Variants in MYCBP2 observed in about 807,000 individuals in gnomAD.
MYCBP2 encodes the protein E3 ubiquitin-protein ligase MYCBP2.
In MYCBP2, 120 loss-of-function variants were observed where a neutral mutation model predicts 525.3. The ratio of observed to expected loss-of-function variants is 0.23; its 90% CI spans 0.20 to 0.27. The LOEUF is 0.27. Among genes scored for constraint, MYCBP2 ranks in the 10% least tolerant of loss-of-function variants. The probability of loss-of-function intolerance (pLI) is 1.00; values close to 1 mark genes in which losing one functional copy is unlikely to be tolerated. For missense variants in MYCBP2, 4,149 were observed against 5,657.1 expected (o/e 0.73, Z 8.55); for synonymous variants, 1,894 against 1,955.8 (o/e 0.97, Z 0.83).
rs1277042858 is a variant in MYCBP2 at position 77,180,299 on chromosome 13, C to G, written c.4961G>C (p.Gly1654Ala). The change falls in exon 34 of 83, where the codon GGG becomes GCG. Residue 1654 changes from glycine (G) to alanine (A), a missense_variant. By Grantham distance (60) the Gly-to-Ala change is moderately conservative. This residue lies in a region of MYCBP2 where 292 missense variants were observed against 330.5 expected (regional missense o/e 0.88). Coordinates refer to ENST00000544440, the MANE Select transcript of MYCBP2 (RefSeq NM_015057.5). ...KLSQSEENIS[G>A]MTSFREVLEK... ...CAGAACTTCACGGAAGCTTGTCATC[C>G]CTGAGATATTCTCTTCACTCTGCGA... 1 of 1,613,924 alleles carries G rather than the reference C, an allele frequency of 6.2e-7. No individual in the cohort carries two copies. The highest frequency in any genetic ancestry group is 8.5e-7 in the Non-Finnish European group (1 of 1,179,954).
At chr13:77,194,338 T>C in intron 26 of MYCBP2, 94 bp from the exon 27 acceptor site, 3 of 823,868 alleles carry the variant, frequency 3.6e-6, no homozygotes, top group Non-Finnish European at 6.0e-6. Flanking sequence ...GAATGTATGC[T>C]GGACCATACC....
At chr13:77,233,442 T>C (rs889508530) in intron 17 of MYCBP2, among the ~76,000 whole-genome samples, 179 bp from the exon 18 acceptor site, 4 of 108,688 alleles carry the variant, frequency 3.7e-5, no homozygotes, top group African/African-American at 1.5e-4. Context: ...CTAATCACCA[T>C]TTCACATAAA....
intron 1 of MYCBP2, among the ~76,000 whole-genome samples, chr13:77,305,986 T>C (rs1241398083): frequency 6.6e-6 from 1 of 152,092 alleles, no homozygotes; most frequent in Non-Finnish European, 1.5e-5. Flanking sequence ...AGGAGGAAAA[T>C]GCAAGGATTT....
chr13:77,082,656 C>T (rs1192837837), intron 63 of MYCBP2, among the ~76,000 whole-genome samples: 1 of 152,170 alleles, frequency 6.6e-6, no homozygotes, highest in South Asian at 2.1e-4. Flanking sequence ...TACAACCAGG[C>T]TCTGTTTTCC....
At position 77,055,585 on chromosome 13, in the gene MYCBP2, T is replaced by G; in HGVS notation, c.13620A>C (p.Ala4540=). ...TTCTGCATTTGTAGCACACATAATA[T>G]GCATATCTATTCATTGCATAGCCAG... ...DPAGYAMNRY[A]YYVCYKCRKA... is the part of the protein sequence containing the mutation. The change falls in exon 80 of 83, where the codon GCA becomes GCC. Residue 4540 remains alanine (A), a synonymous_variant. Coordinates refer to ENST00000544440, the MANE Select transcript of MYCBP2 (RefSeq NM_015057.5). 6.2e-7 allele frequency: 1 copy of G among 1,614,016 alleles called. No individual in the cohort carries two copies. Among genetic ancestry groups the G allele is most frequent in the Admixed American group, 1.7e-5 (1 of 60,028 alleles).
chr13:77,073,789 C>T (rs1028329768), intron 68 of MYCBP2, among the ~76,000 whole-genome samples: 1 of 152,002 alleles, frequency 6.6e-6, no homozygotes, highest in African/African-American at 2.4e-5. Flanking sequence ...AATAGCTTTA[C>T]AAATGTTAAA....
intron 1 of MYCBP2, among the ~76,000 whole-genome samples, chr13:77,322,832 A>G (rs2081844242): frequency 6.6e-6 from 1 of 152,090 alleles, no homozygotes; most frequent in Admixed American, 6.5e-5. Context: ...TCCTTCATAC[A>G]TTTCCTGTCC....
At chr13:77,174,272 A>G in intron 37 of MYCBP2, 39 bp downstream of exon 37, 1 of 1,598,742 alleles carries the variant, frequency 6.3e-7, no homozygotes, top group Non-Finnish European at 8.6e-7. Context: ...ATGTTCTACC[A>G]CTGTAAAGTA....
intron 40 of MYCBP2, 25 bp from the exon 41 acceptor site, chr13:77,166,579 T>C: frequency 6.6e-7 from 1 of 1,512,966 alleles, no homozygotes. Flanking sequence ...CAAAGTGACA[T>C]GAATACAGAT....
intron 2 of MYCBP2, among the ~76,000 whole-genome samples, chr13:77,291,492 C>T (rs1055893349): frequency 4.6e-5 from 7 of 152,156 alleles, no homozygotes; most frequent in African/African-American, 1.4e-4. Flanking sequence ...ATGTACAGGC[C>T]GGGTGCAGTG....
intron 72 of MYCBP2, among the ~76,000 whole-genome samples, chr13:77,065,434 T>C (rs1259111242): frequency 6.6e-6 from 1 of 152,144 alleles, no homozygotes; most frequent in Non-Finnish European, 1.5e-5. Context: ...CTACATTCCA[T>C]ACTATCTTGT....
chr13:77,172,134 C>T (rs557047997), intron 37 of MYCBP2, among the ~76,000 whole-genome samples: 1 of 151,906 alleles, frequency 6.6e-6, no homozygotes, highest in Non-Finnish European at 1.5e-5. Context: ...CTCCTGACCT[C>T]GTGATCCACC....
intron 80 of MYCBP2, among the ~76,000 whole-genome samples, chr13:77,054,985 T>C (rs2037612549): frequency 6.6e-6 from 1 of 152,144 alleles, no homozygotes; most frequent in Non-Finnish European, 1.5e-5. Flanking sequence ...TGGTTATTTG[T>C]AACTAAATCT....
chr13:77,068,008 G>T, intron 70 of MYCBP2, 144 bp from the exon 71 acceptor site: 1 of 743,146 alleles, frequency 1.3e-6, no homozygotes, highest in Non-Finnish European at 2.1e-6. Context: ...GCTCACTGCA[G>T]CCTTGAACTC....
Position 77,081,700 on chromosome 13 carries a change from C to A in MYCBP2, c.11194-49G>T. ...TTATGATACTTAAAAGCAAATCTTTCGTGATGATAAAACAAACAGGTATAA... is the reference window on the plus strand; with the variant it reads ...TTATGATACTTAAAAGCAAATCTTTAGTGATGATAAAACAAACAGGTATAA... On this transcript the variant is annotated intron_variant, in intron 64 of 82. Transcript: ENST00000544440. The surrounding 1 kb of genome is among the most constrained non-coding windows in gnomAD (Gnocchi z 4.6). The A allele has an allele frequency of 6.5e-7, 1 of 1,544,820 alleles. No homozygotes were observed. Among genetic ancestry groups the A allele is most frequent in the Non-Finnish European group, 8.7e-7 (1 of 1,143,126 alleles).
chr13:77,289,200 A>G (rs1044377630), intron 2 of MYCBP2, among the ~76,000 whole-genome samples: 1 of 150,286 alleles, frequency 6.7e-6, no homozygotes, highest in Non-Finnish European at 1.5e-5. Context: ...AAAGAATTGG[A>G]AAAAAAAAAT....
At chr13:77,208,202 A>C (rs944524705) in intron 23 of MYCBP2, among the ~76,000 whole-genome samples, 2 of 152,116 alleles carry the variant, frequency 1.3e-5, no homozygotes, top group African/African-American at 4.8e-5. Context: ...ACCTCTTCAG[A>C]AAAAGTACAG....
Position 77,121,434 on chromosome 13 carries a change from A to G in MYCBP2, c.8079T>C (p.Ala2693=), listed in dbSNP as rs1472850581. The change falls in exon 55 of 83, where the codon GCT becomes GCC. Residue 2693 remains alanine (A), a synonymous_variant. Transcript: ENST00000544440. ...TPPPSPFSVQ[A]FNKGASCSAQ... is the part of the protein sequence containing the mutation. ...CACTGCAACTTGCCCCTTTATTAAAAGCTTGCACTGAGAAAGGGCTTGGAG... is the reference window on the plus strand; with the variant it reads ...CACTGCAACTTGCCCCTTTATTAAAGGCTTGCACTGAGAAAGGGCTTGGAG... 6.3e-7 allele frequency: 1 copy of G among 1,597,688 alleles called. No homozygotes were observed. Among genetic ancestry groups the G allele is most frequent in the Non-Finnish European group, 8.6e-7 (1 of 1,168,796 alleles).
intron 4 of MYCBP2, among the ~76,000 whole-genome samples, chr13:77,278,091 C>T (rs1038091571): frequency 6.6e-6 from 1 of 152,086 alleles, no homozygotes; most frequent in African/African-American, 2.4e-5. Context: ...AAGTTTAATC[C>T]ATAACACAAA....
Sources: allele counts gnomAD v4.1 joint callset (sites outside exome capture counted in the v4.1 genomes callset), GRCh38; gene constraint gnomAD v4.1.1; regional missense constraint gnomAD v4.1.1; non-coding constraint Gnocchi (gnomAD v3.1); transcripts MANE v1.5; gene names NCBI Gene and HGNC (gene_info 2026-07-23, HGNC 2026-07-21).